PELI2: variants seen among roughly 807,000 people sequenced by gnomAD.
The protein encoded by PELI2 is E3 ubiquitin-protein ligase pellino homolog 2.
PELI2 carries 23 observed loss-of-function variants against 42.3 expected under a neutral mutation model. That is an observed-to-expected ratio of 0.54 (90% CI 0.39 to 0.77). PELI2 has a LOEUF of 0.77. PELI2 is among the 30% of genes least tolerant of loss of function. The probability of loss-of-function intolerance (pLI) is 0.00; values close to 1 mark genes in which losing one functional copy is unlikely to be tolerated. For missense variants in PELI2, 463 were observed against 553.2 expected, an observed-to-expected ratio of 0.84 and a Z score of 1.64; for synonymous variants, 245 against 212.2, an observed-to-expected ratio of 1.15 and a Z score of -1.34.
chr14:56,245,144 G>T (rs529246868), intron 2 of PELI2, among the ~76,000 whole-genome samples: 1 of 152,126 alleles, frequency 6.6e-6, no homozygotes, highest in Non-Finnish European at 1.5e-5. Flanking sequence ...AATTCCAAGC[G>T]AGGCGTTTAG....
chr14:56,144,306 TG>T (rs1462732258), intron 1 of PELI2, among the ~76,000 whole-genome samples: 1 of 152,212 alleles, frequency 6.6e-6, no homozygotes, highest in Non-Finnish European at 1.5e-5. Context: ...TATGTGATTA[TG>T]GGGCTGGCTA....
intron 2 of PELI2, among the ~76,000 whole-genome samples, chr14:56,240,337 G>A (rs909437411): frequency 2.6e-5 from 4 of 152,140 alleles, no homozygotes; most frequent in South Asian, 2.1e-4. Flanking sequence ...CCAGAGATGC[G>A]TAGGAGGTAG....
intron 2 of PELI2, among the ~76,000 whole-genome samples, chr14:56,216,257 A>G (rs1886902470): frequency 6.6e-6 from 1 of 152,192 alleles, no homozygotes; most frequent in Non-Finnish European, 1.5e-5. Context: ...CAAGGGGAAA[A>G]TACATGTGTG....
intron 2 of PELI2, among the ~76,000 whole-genome samples, chr14:56,244,289 A>G (rs1489703290): frequency 6.6e-6 from 1 of 152,248 alleles, no homozygotes; most frequent in African/African-American, 2.4e-5. Context: ...ATCGTTGATC[A>G]AATACTGCTG....
chr14:56,224,123 G>C (rs1465268666), intron 2 of PELI2, among the ~76,000 whole-genome samples: 1 of 152,152 alleles, frequency 6.6e-6, no homozygotes, highest in African/African-American at 2.4e-5. Flanking sequence ...TAAAAGCTCT[G>C]GTTTAGAAAT....
At chr14:56,224,590 A>C (rs1887272704) in intron 2 of PELI2, among the ~76,000 whole-genome samples, 1 of 152,222 alleles carries the variant, frequency 6.6e-6, no homozygotes, top group Non-Finnish European at 1.5e-5. Context: ...TCCTTTTAGA[A>C]ACTGAGCTCA....
At chr14:56,249,556 A>G (rs1468338503) in intron 2 of PELI2, among the ~76,000 whole-genome samples, 2 of 152,190 alleles carry the variant, frequency 1.3e-5, no homozygotes, top group African/African-American at 4.8e-5. Flanking sequence ...GCAGAGTCCC[A>G]TGTGAGTATC....
chr14:56,205,029 CAAAAAAAAA>C (rs35776509), intron 2 of PELI2, among the ~76,000 whole-genome samples: 1 of 91,178 alleles, frequency 1.1e-5, no homozygotes, highest in Admixed American at 1.2e-4. Context: ...GACTCCCTGT[CAAAAAAAAA>C]AAAAAAAAAG....
intron 2 of PELI2, among the ~76,000 whole-genome samples, chr14:56,226,513 CA>C (rs1566649345): frequency 6.6e-6 from 1 of 152,180 alleles, no homozygotes; most frequent in Admixed American, 6.5e-5. Flanking sequence ...GTATGGATTT[CA>C]GACCAAATTT....
At chr14:56,168,450 C>T (rs1328925926) in intron 1 of PELI2, among the ~76,000 whole-genome samples, 2 of 152,192 alleles carry the variant, frequency 1.3e-5, no homozygotes, top group Non-Finnish European at 2.9e-5. Context: ...CCCTTAGCCA[C>T]TGCCACCCTA....
intron 1 of PELI2, among the ~76,000 whole-genome samples, chr14:56,149,354 G>C (rs1027480178): frequency 2.0e-5 from 3 of 152,150 alleles, no homozygotes; most frequent in African/African-American, 7.2e-5. Flanking sequence ...TCTGCTTTAT[G>C]TATTCTGGTA....
At chr14:56,161,730 A>G (rs1884772142) in intron 1 of PELI2, among the ~76,000 whole-genome samples, 1 of 152,156 alleles carries the variant, frequency 6.6e-6, no homozygotes, top group South Asian at 2.1e-4. Flanking sequence ...ATACATATAT[A>G]TATATTTTTT....
intron 1 of PELI2, among the ~76,000 whole-genome samples, chr14:56,175,304 G>A (rs1885332395): frequency 6.6e-6 from 1 of 152,114 alleles, no homozygotes; most frequent in Non-Finnish European, 1.5e-5. Context: ...CCAAGATTTC[G>A]ACAGTTCAAG....
At chr14:56,172,014 CA>C (rs1435782165) in intron 1 of PELI2, among the ~76,000 whole-genome samples, 1 of 148,684 alleles carries the variant, frequency 6.7e-6, no homozygotes, top group Non-Finnish European at 1.5e-5. Context: ...GACTCCATCT[CA>C]AAAAAAAAGA....
chr14:56,288,544 C>T lies in PELI2; in HGVS notation c.417C>T (p.Phe139=), dbSNP rs780154504. ...TCACACAGAGCACCATATCCAGGTT[C>T]GCCTGCAGGATCGTGTGCGACAGGA... ...AQITQSTISR[F]ACRIVCDRNE... is the part of the protein sequence containing the mutation. Residue 139 remains phenylalanine (F), a synonymous_variant, in exon 4 of 6, where the codon TTC becomes TTT. Coordinates refer to ENST00000267460, the MANE Select transcript of PELI2 (RefSeq NM_021255.3). The surrounding 1 kb of genome is among the most constrained non-coding windows in gnomAD (Gnocchi z 4.6). 8.9e-5 allele frequency: 144 copies of T among 1,613,934 alleles called. No homozygotes were observed. In the Admixed American group the frequency reaches 2.3e-3, roughly 25 times the overall value.
chr14:56,149,975 A>G (rs1040253196), intron 1 of PELI2, among the ~76,000 whole-genome samples: 2 of 152,144 alleles, frequency 1.3e-5, no homozygotes, highest in Non-Finnish European at 2.9e-5. Context: ...AGCTCCAGCT[A>G]CCTAGTGGAT....
chr14:56,194,760 C>A (rs1359148236), intron 2 of PELI2, among the ~76,000 whole-genome samples: 2 of 152,184 alleles, frequency 1.3e-5, no homozygotes, highest in African/African-American at 4.8e-5. Context: ...CACATGAAGT[C>A]TTTCACAGAA....
intron 2 of PELI2, among the ~76,000 whole-genome samples, chr14:56,266,278 T>A (rs1888900087): frequency 6.6e-6 from 1 of 151,932 alleles, no homozygotes; most frequent in Non-Finnish European, 1.5e-5. Context: ...AGAAACTTTT[T>A]AAAAAATCTG....
Position 56,204,119 on chromosome 14 carries a change from G to A in PELI2, c.207+25655G>A, listed in dbSNP as rs189749245. On this transcript the variant is annotated intron_variant, in intron 2 of 5. Coordinates refer to ENST00000267460, the MANE Select transcript of PELI2 (RefSeq NM_021255.3). ...GCGTTAGAGGGCTTGTTCAACAGGG[G>A]CCGATTGATGGGAACGAATATCCAT... 4.7e-4 allele frequency among the ~76,000 whole-genome samples: 71 copies of A among 152,314 alleles called. 1 individual carries two copies. Among genetic ancestry groups the A allele is most frequent in the Non-Finnish European group, 8.7e-4 (59 of 68,032 alleles).
Sources: gnomAD v4.1 joint callset for allele counts (sites outside exome capture counted in the v4.1 genomes callset) on GRCh38, gnomAD v4.1.1 for gene constraint, Gnocchi (gnomAD v3.1) non-coding constraint, MANE v1.5 for transcripts, NCBI Gene and HGNC (gene_info 2026-07-23, HGNC 2026-07-21) for gene names.